The following GULP1 variants were observed in gnomAD, a reference collection of about 807,000 sequenced individuals.
GULP1 encodes GULP PTB domain containing engulfment adaptor 1, also known as PTB domain-containing engulfment adapter protein 1.
A neutral mutation model predicts 40.9 loss-of-function variants in GULP1; 19 were observed. The observed-to-expected ratio is 0.46, with a 90% CI of 0.32 to 0.68. The LOEUF is 0.68. Among genes scored for constraint, GULP1 ranks in the 30% least tolerant of loss-of-function variants. GULP1 has a pLI of 0.03. For synonymous variants in GULP1, 119 were observed against 117.6 expected (o/e 1.01, Z -0.08); for missense variants, 312 against 362.2 (o/e 0.86, Z 1.12).
At chr2:188,506,508 T>G (rs1385624282) in intron 4 of GULP1, among the ~76,000 whole-genome samples, 1 of 151,994 alleles carries the variant, frequency 6.6e-6, no homozygotes, top group East Asian at 1.9e-4. Flanking sequence ...ACAAGTCTAT[T>G]AAATACTAAC....
chr2:188,336,635 G>C (rs1000817730), intron 1 of GULP1, among the ~76,000 whole-genome samples: 15 of 152,294 alleles, frequency 9.8e-5, no homozygotes, highest in East Asian at 9.7e-4. Context: ...CCATGGATGA[G>C]GTGGTCTGGA....
At chr2:188,418,170 G>A (rs1313914919) in intron 2 of GULP1, among the ~76,000 whole-genome samples, 5 of 152,034 alleles carry the variant, frequency 3.3e-5, no homozygotes, top group Admixed American at 6.6e-5. Context: ...TAGGATTAAA[G>A]GATAGTTTTT....
intron 2 of GULP1, among the ~76,000 whole-genome samples, chr2:188,440,276 A>T (rs2057798582): frequency 6.6e-6 from 1 of 152,230 alleles, no homozygotes; most frequent in Admixed American, 6.5e-5. Flanking sequence ...CTTCTTTCAC[A>T]TGTCATTCAA....
intron 4 of GULP1, among the ~76,000 whole-genome samples, chr2:188,517,136 G>T (rs868619910): frequency 6.6e-6 from 1 of 151,976 alleles, no homozygotes; most frequent in African/African-American, 2.4e-5. Context: ...TTAATTAACA[G>T]ATAATATTGT....
chr2:188,531,516 C>A (rs1433547103), intron 6 of GULP1, among the ~76,000 whole-genome samples: 2 of 152,166 alleles, frequency 1.3e-5, no homozygotes, highest in Non-Finnish European at 2.9e-5. Flanking sequence ...CCTGTCTAAT[C>A]TTCTCTATTA....
At chr2:188,503,771 T>C (rs1184593931) in intron 4 of GULP1, among the ~76,000 whole-genome samples, 1 of 151,850 alleles carries the variant, frequency 6.6e-6, no homozygotes, top group African/African-American at 2.4e-5. Flanking sequence ...ACACACCAAA[T>C]CTTATAAACG....
intron 2 of GULP1, among the ~76,000 whole-genome samples, chr2:188,428,099 G>A (rs901647380): frequency 3.3e-5 from 5 of 152,160 alleles, no homozygotes; most frequent in Admixed American, 6.5e-5. Flanking sequence ...GCCCTGCTGG[G>A]TTTCAGACTT....
chr2:188,589,821 A>T, intron 11 of GULP1: 3 of 701,304 alleles, frequency 4.3e-6, no homozygotes, highest in Non-Finnish European at 6.8e-6. Flanking sequence ...TAAAATTTGC[A>T]TGCCTTATTT....
chr2:188,536,928 AT>A (rs58046822), intron 6 of GULP1, among the ~76,000 whole-genome samples: 148,117 of 151,948 alleles, frequency 0.97, 72,318 homozygotes, highest in East Asian at 1. Context: ...TAGGTATTTT[AT>A]TTTTTTTGTT....
chr2:188,522,341 C>T (rs1490106053), intron 4 of GULP1, among the ~76,000 whole-genome samples: 1 of 151,408 alleles, frequency 6.6e-6, no homozygotes, highest in Admixed American at 6.6e-5. Context: ...AAATTGTAAA[C>T]TTTGAAATTT....
chr2:188,462,520 T>A (rs2152968759), intron 2 of GULP1, among the ~76,000 whole-genome samples: 1 of 152,298 alleles, frequency 6.6e-6, no homozygotes, highest in African/African-American at 2.4e-5. Context: ...AGTGGGGCGT[T>A]GAAGTCTCCC....
At chr2:188,429,028 A>G (rs1431455686) in intron 2 of GULP1, among the ~76,000 whole-genome samples, 2 of 152,310 alleles carry the variant, frequency 1.3e-5, no homozygotes, top group South Asian at 2.1e-4. Flanking sequence ...GACTAAGTCA[A>G]AGAACATATT....
At chr2:188,368,577 T>C (rs1013956628) in intron 1 of GULP1, among the ~76,000 whole-genome samples, 2 of 151,740 alleles carry the variant, frequency 1.3e-5, no homozygotes, top group Admixed American at 6.6e-5. Context: ...CGAGACTCCA[T>C]CTAAAATAAA....
intron 7 of GULP1, among the ~76,000 whole-genome samples, chr2:188,545,800 ACAT>A (rs1348184552): frequency 6.6e-6 from 1 of 151,982 alleles, no homozygotes; most frequent in Non-Finnish European, 1.5e-5. Context: ...GGATTACAAA[ACAT>A]AATCCAGATA....
intron 2 of GULP1, among the ~76,000 whole-genome samples, chr2:188,439,125 A>G (rs1490403097): frequency 6.6e-6 from 1 of 152,160 alleles, no homozygotes; most frequent in African/African-American, 2.4e-5. Flanking sequence ...GTTATTCAAT[A>G]AATGTTTAGA....
intron 1 of GULP1, among the ~76,000 whole-genome samples, chr2:188,341,158 T>G (rs77895085): frequency 0.046 from 7,018 of 152,224 alleles, 242 homozygotes; most frequent in Non-Finnish European, 0.065. Context: ...TGCCTAGAAT[T>G]TCTTTGCCTC....
Position 188,527,309 on chromosome 2 carries a change from T to C in GULP1, c.163-1788T>C, listed in dbSNP as rs936967632. Among the ~76,000 whole-genome samples, 4 of 152,156 alleles carry C rather than the reference T, an allele frequency of 2.6e-5. No individual in the cohort carries two copies. The East Asian group carries it at 7.7e-4, about 29-fold the overall frequency. ...TCAGAAGTCATGCTCAGTCTGTTCC[T>C]GGAAAACAGCAGCACCTAGGAAACC... is the stretch of plus-strand genomic sequence containing the variant. On this transcript the variant is annotated intron_variant, in intron 5 of 11. Transcript: ENST00000409830.
At chr2:188,407,101 G>A (rs1477841571) in intron 2 of GULP1, among the ~76,000 whole-genome samples, 1 of 152,118 alleles carries the variant, frequency 6.6e-6, no homozygotes, top group Admixed American at 6.6e-5. Context: ...TGGTGTGGTA[G>A]CTTCAAAATG....
chr2:188,297,410 A>G (rs958225290), intron 1 of GULP1: 2 of 444,872 alleles, frequency 4.5e-6, no homozygotes, highest in Non-Finnish European at 9.1e-6. Flanking sequence ...TGAAGTGAGA[A>G]TTTTATACAA....
Sources: gnomAD v4.1 joint callset for allele counts (sites outside exome capture counted in the v4.1 genomes callset) on GRCh38, gnomAD v4.1.1 for gene constraint, MANE v1.5 for transcripts, NCBI Gene and HGNC (gene_info 2026-07-23, HGNC 2026-07-21) for gene names.